KLHL29: variants seen among roughly 807,000 people sequenced by gnomAD.
The protein encoded by KLHL29 is kelch like family member 29.
A neutral mutation model predicts 80.4 loss-of-function variants in KLHL29; 21 were observed. The observed-to-expected ratio is 0.26, with a 90% CI of 0.19 to 0.38. The LOEUF (loss-of-function observed/expected upper bound fraction) is 0.38, where lower values mean the gene tolerates loss of function less well. Ranked by LOEUF, KLHL29 falls within the 10% of genes least tolerant of loss-of-function variation. The pLI is 1.00. For synonymous variants in KLHL29, 511 were observed against 526.8 expected (o/e 0.97, Z 0.41); for missense variants, 867 against 1,223.9 (o/e 0.71, Z 4.35).
rs114967244 is a variant in KLHL29, at chr2:23,535,368, G to A, written c.-45-26784G>A. Among the ~76,000 whole-genome samples, 182 of 152,330 alleles carry A rather than the reference G, an allele frequency of 1.2e-3. 1 individual carries two copies. The highest frequency in any genetic ancestry group is 4.0e-3 in the African/African-American group (166 of 41,576). ...AAAGAATCAGAGCCAAGCCTCACAC[G>A]GCCACAGGCTGAGGCCTGCCTCTCA... On this transcript the variant is annotated intron_variant, in intron 2 of 13. Transcript: ENST00000486442.
chr2:23,602,747 C>T (rs1173625393), intron 3 of KLHL29, among the ~76,000 whole-genome samples: 1 of 151,924 alleles, frequency 6.6e-6, no homozygotes, highest in Non-Finnish European at 1.5e-5. Flanking sequence ...AGGCACCACT[C>T]CCGACCTCTA....
chr2:23,577,907 C>T (rs1180179883), intron 3 of KLHL29, among the ~76,000 whole-genome samples: 4 of 152,174 alleles, frequency 2.6e-5, no homozygotes, highest in Admixed American at 6.5e-5. Flanking sequence ...GATGCTCATC[C>T]TGTCTCTGTT....
chr2:23,480,407 A>C (rs1343404873), intron 2 of KLHL29, among the ~76,000 whole-genome samples: 1 of 152,168 alleles, frequency 6.6e-6, no homozygotes, highest in Admixed American at 6.5e-5. Flanking sequence ...GAGTTGCTTG[A>C]AAGTGGGAGG....
intron 5 of KLHL29, among the ~76,000 whole-genome samples, chr2:23,674,488 G>T (rs1387394101): frequency 6.6e-6 from 1 of 152,140 alleles, no homozygotes; most frequent in African/African-American, 2.4e-5. Context: ...TCTCCAAGGT[G>T]CTGAACTTGT....
Position 23,692,637 on chromosome 2 carries a change from C to T in KLHL29, c.1283-632C>T, listed in dbSNP as rs201624324. ...AGATGGGCCTCCAGAAACCCAGACA[C>T]GCCTAGGTTGGAAGAACCACTAGCA... On this transcript the variant is annotated intron_variant, in intron 7 of 13. Coordinates refer to ENST00000486442, the MANE Select transcript of KLHL29 (RefSeq NM_052920.2). Among the ~76,000 whole-genome samples the T allele has an allele frequency of 3.2e-3, 483 of 152,242 alleles. 2 individuals carry two copies. Among genetic ancestry groups the T allele is most frequent in the African/African-American group, 0.011 (464 of 41,544 alleles).
At chr2:23,646,184 T>C (rs2149161073) in intron 5 of KLHL29, among the ~76,000 whole-genome samples, 1 of 151,966 alleles carries the variant, frequency 6.6e-6, no homozygotes, top group South Asian at 2.1e-4. Context: ...GTTGTTGGAT[T>C]GGAACCACCG....
At chr2:23,525,171 T>A (rs1666263132) in intron 2 of KLHL29, among the ~76,000 whole-genome samples, 1 of 152,024 alleles carries the variant, frequency 6.6e-6, no homozygotes, top group African/African-American at 2.4e-5. Context: ...TCTCGGCACG[T>A]AGGAGGGAGG....
intron 2 of KLHL29, among the ~76,000 whole-genome samples, chr2:23,486,121 C>T (rs1255734590): frequency 4.6e-5 from 7 of 152,126 alleles, no homozygotes; most frequent in African/African-American, 7.2e-5. Context: ...CCTCCTTGGC[C>T]CACCAGATCC....
intron 2 of KLHL29, among the ~76,000 whole-genome samples, chr2:23,507,531 G>A (rs1665639061): frequency 6.6e-6 from 1 of 152,126 alleles, no homozygotes; most frequent in African/African-American, 2.4e-5. Flanking sequence ...ACAGCACCTG[G>A]GACTCACCTA....
At chr2:23,653,397 A>G (rs914583591) in intron 5 of KLHL29, among the ~76,000 whole-genome samples, 2 of 152,218 alleles carry the variant, frequency 1.3e-5, no homozygotes, top group Non-Finnish European at 2.9e-5. Context: ...GGACAAGCCC[A>G]GCATCTGCAT....
intron 1 of KLHL29, among the ~76,000 whole-genome samples, chr2:23,443,017 A>C (rs369174558): frequency 6.6e-5 from 10 of 152,122 alleles, no homozygotes; most frequent in Admixed American, 2.6e-4. Context: ...ATGTGATACC[A>C]CTTCAGGCCC....
intron 2 of KLHL29, among the ~76,000 whole-genome samples, chr2:23,561,851 T>G (rs553095190): frequency 4.4e-4 from 67 of 152,266 alleles, no homozygotes; most frequent in Non-Finnish European, 6.9e-4. Flanking sequence ...AATTAAAATA[T>G]GCACATTTGT....
chr2:23,674,109 G>A (rs1670859084), intron 5 of KLHL29, among the ~76,000 whole-genome samples: 1 of 152,104 alleles, frequency 6.6e-6, no homozygotes, highest in Non-Finnish European at 1.5e-5. Flanking sequence ...CCTCTGCCCA[G>A]CACTTGCCCC....
At chr2:23,508,795 AAC>A (rs1336853069) in intron 2 of KLHL29, among the ~76,000 whole-genome samples, 1 of 152,224 alleles carries the variant, frequency 6.6e-6, no homozygotes, top group African/African-American at 2.4e-5. Flanking sequence ...ACCAGCTCCC[AAC>A]ATCTATCCCT....
intron 2 of KLHL29, among the ~76,000 whole-genome samples, chr2:23,517,758 C>A (rs1665982956): frequency 6.6e-6 from 1 of 152,208 alleles, no homozygotes; most frequent in Non-Finnish European, 1.5e-5. Context: ...GCTCCTAGGG[C>A]ACATTTGCTC....
chr2:23,679,982 G>A (rs1351233259), intron 5 of KLHL29, among the ~76,000 whole-genome samples: 5 of 152,214 alleles, frequency 3.3e-5, no homozygotes, highest in Admixed American at 1.3e-4. Flanking sequence ...CCCTGGGAGT[G>A]GAGGAGGAGC....
At position 23,510,948 on chromosome 2, in the gene KLHL29, A is replaced by T. The variant is rs72849008; in HGVS notation, c.-46+35281A>T. 8.0e-3 allele frequency among the ~76,000 whole-genome samples: 1,221 copies of T among 152,322 alleles called. 9 individuals carry two copies. The highest frequency in any genetic ancestry group is 0.027 in the African/African-American group (1,131 of 41,562). On this transcript the variant is annotated intron_variant, in intron 2 of 13. Transcript: ENST00000486442. ...TGGCCAATATGAGTTTGGACAAAAA[A>T]ATATATATTTGCAAAATATCTGCTG...
intron 2 of KLHL29, among the ~76,000 whole-genome samples, chr2:23,529,140 C>T (rs1666419971): frequency 6.6e-6 from 1 of 152,228 alleles, no homozygotes; most frequent in African/African-American, 2.4e-5. Flanking sequence ...CAAGTTCTTG[C>T]TCTGTCACGC....
chr2:23,403,309 G>A (rs532348145), intron 1 of KLHL29, among the ~76,000 whole-genome samples: 7 of 152,246 alleles, frequency 4.6e-5, no homozygotes, highest in Non-Finnish European at 7.4e-5. Context: ...AGGACAGGCC[G>A]CCATGTAGAA....
Sources: gnomAD v4.1 joint callset for allele counts (sites outside exome capture counted in the v4.1 genomes callset) on GRCh38, gnomAD v4.1.1 for gene constraint, MANE v1.5 for transcripts, NCBI Gene and HGNC (gene_info 2026-07-23, HGNC 2026-07-21) for gene names.